DYNC2H1: variants seen among roughly 807,000 people sequenced by gnomAD.
The protein encoded by DYNC2H1 is dynein cytoplasmic 2 heavy chain 1.
A neutral mutation model predicts 570.0 loss-of-function variants in DYNC2H1; 410 were observed. The observed-to-expected ratio is 0.72, with a 90% CI of 0.66 to 0.78. The LOEUF (loss-of-function observed/expected upper bound fraction) is 0.78, where lower values mean the gene tolerates loss of function less well. DYNC2H1 is among the 30% of genes least tolerant of loss of function. DYNC2H1 has a pLI of 0.00. For synonymous variants in DYNC2H1, 1,688 were observed against 1,677.6 expected (o/e 1.01, Z -0.15); for missense variants, 4,865 against 5,046.4 (o/e 0.96, Z 1.09).
intron 26 of DYNC2H1, 37 bp downstream of exon 26, chr11:103,156,807 A>AT (rs748091130): frequency 1.8e-5 from 28 of 1,572,166 alleles, no homozygotes; most frequent in African/African-American, 2.8e-5. Context: ...CACATATGGT[A>AT]TTTTTTTTAA....
intron 71 of DYNC2H1, among the ~76,000 whole-genome samples, chr11:103,281,169 G>C (rs1292675246): frequency 2.0e-5 from 3 of 151,890 alleles, no homozygotes; most frequent in Non-Finnish European, 4.4e-5. Flanking sequence ...GAATATAATA[G>C]TTAAAATAAT....
intron 15 of DYNC2H1, among the ~76,000 whole-genome samples, chr11:103,134,644 T>C (rs897814256): frequency 6.6e-6 from 1 of 152,128 alleles, no homozygotes; most frequent in African/African-American, 2.4e-5. Context: ...TCTTATGGAA[T>C]GCCAAATTCC....
chr11:103,357,391 G>T lies in DYNC2H1; in HGVS notation c.12040-852G>T, dbSNP rs958851401. The stretch of plus-strand genomic sequence containing the variant: ...TTTTCATTAGAGCCTTGTATGTAGA[G>T]GAAACATTGAAATTACAACTTAAAG... On this transcript the variant is annotated intron_variant, in intron 82 of 88. Transcript: ENST00000375735. Among the ~76,000 whole-genome samples, 5 of 152,148 alleles carry T rather than the reference G, an allele frequency of 3.3e-5. No homozygotes were observed. In the South Asian group the frequency reaches 1.0e-3, roughly 32 times the overall value.
intron 17 of DYNC2H1, among the ~76,000 whole-genome samples, chr11:103,136,541 C>A (rs974172320): frequency 5.3e-5 from 8 of 152,232 alleles, no homozygotes; most frequent in Admixed American, 2.0e-4. Context: ...CATGTCCCTA[C>A]AAAAGACATG....
chr11:103,168,570 T>A (rs1861431869), intron 31 of DYNC2H1, among the ~76,000 whole-genome samples, 185 bp from the exon 32 acceptor site: 1 of 152,212 alleles, frequency 6.6e-6, no homozygotes, highest in African/African-American at 2.4e-5. Context: ...CTCAAAATTC[T>A]TATTTTTTAC....
intron 84 of DYNC2H1, chr11:103,404,226 C>T (rs1942768307): frequency 6.6e-6 from 1 of 151,660 alleles, no homozygotes; most frequent in Non-Finnish European, 1.5e-5. Flanking sequence ...AATGATTTTA[C>T]TAGTATCTTA....
At position 103,115,440 on chromosome 11, in the gene DYNC2H1, A is replaced by C. The variant is rs574334723; in HGVS notation, c.621+145A>C. On this transcript the variant is annotated intron_variant, in intron 4 of 88. Coordinates refer to ENST00000375735, the MANE Select transcript of DYNC2H1 (RefSeq NM_001377.3). The stretch of plus-strand genomic sequence containing the variant: ...TTATATGGAGAAAACTTTAAGTTGT[A>C]TATGTAAAATGAATTGAGAAATCCA... The C allele has an allele frequency of 5.8e-5, 30 of 516,398 alleles. 1 individual carries two copies. Among genetic ancestry groups the C allele is most frequent in the Middle Eastern group, 1.1e-3 (2 of 1,854 alleles). 32.0% of individuals were successfully genotyped at this position (516,398 alleles called of 1,614,324 possible).
intron 34 of DYNC2H1, among the ~76,000 whole-genome samples, chr11:103,172,794 G>T (rs1861627388): frequency 6.6e-6 from 1 of 151,938 alleles, no homozygotes; most frequent in African/African-American, 2.4e-5. Context: ...AATAGATAAT[G>T]AAATTAGTAT....
rs116891606 is a variant in DYNC2H1, at chr11:103,172,481, G to A, written c.5335-601G>A. ...TTCTTTCTCTTTTCTTTCCTTTGTA[G>A]CTAGATTTCTTGGTTTTTCTACTCT... On this transcript the variant is annotated intron_variant, in intron 34 of 88. Coordinates refer to ENST00000375735, the MANE Select transcript of DYNC2H1 (RefSeq NM_001377.3). 7.5e-3 allele frequency among the ~76,000 whole-genome samples: 1,139 copies of A among 151,872 alleles called. 5 individuals carry two copies. Among genetic ancestry groups the A allele is most frequent in the Non-Finnish European group, 0.011 (768 of 67,906 alleles).
At chr11:103,420,425 A>T (rs1032089254) in intron 84 of DYNC2H1, among the ~76,000 whole-genome samples, 1 of 152,192 alleles carries the variant, frequency 6.6e-6, no homozygotes, top group Non-Finnish European at 1.5e-5. Flanking sequence ...ACACATAATC[A>T]TCAGATTCTC....
chr11:103,155,615 T>A, intron 25 of DYNC2H1, 114 bp downstream of exon 25: 1 of 1,030,412 alleles, frequency 9.7e-7, no homozygotes, highest in Non-Finnish European at 1.3e-6. Flanking sequence ...TCAGCTTTCA[T>A]CAAAAAGTAA....
intron 82 of DYNC2H1, among the ~76,000 whole-genome samples, chr11:103,327,756 G>C (rs1413368455): frequency 2.0e-5 from 3 of 152,138 alleles, no homozygotes; most frequent in Admixed American, 6.5e-5. Context: ...TTTTGCTCCT[G>C]GGCCATTGAC....
chr11:103,267,887 G>A (rs1337791694), intron 70 of DYNC2H1, among the ~76,000 whole-genome samples: 1 of 151,446 alleles, frequency 6.6e-6, no homozygotes. Flanking sequence ...TTGTAGTAAG[G>A]CCTGAAGATC....
At chr11:103,366,775 A>G (rs1382111838) in intron 83 of DYNC2H1, among the ~76,000 whole-genome samples, 1 of 152,146 alleles carries the variant, frequency 6.6e-6, no homozygotes, top group African/African-American at 2.4e-5. Context: ...ACCTAGCCCA[A>G]TGTTAAGTGT....
intron 84 of DYNC2H1, among the ~76,000 whole-genome samples, chr11:103,433,857 G>A (rs1943976517): frequency 1.3e-5 from 2 of 152,086 alleles, no homozygotes; most frequent in Non-Finnish European, 2.9e-5. Context: ...CAAGTTGCCC[G>A]TTCCCTTTAA....
At chr11:103,321,667 G>C (rs959622735) in intron 81 of DYNC2H1, among the ~76,000 whole-genome samples, 1 of 152,132 alleles carries the variant, frequency 6.6e-6, no homozygotes, top group Admixed American at 6.5e-5. Flanking sequence ...GTCTAAATAT[G>C]TAAAATGAAT....
At chr11:103,351,192 C>G (rs889196182) in intron 82 of DYNC2H1, among the ~76,000 whole-genome samples, 7 of 152,084 alleles carry the variant, frequency 4.6e-5, no homozygotes, top group Non-Finnish European at 1.0e-4. Context: ...AATGTCCTTA[C>G]TCATGTTTGT....
At chr11:103,274,502 A>G (rs1265592071) in intron 70 of DYNC2H1, among the ~76,000 whole-genome samples, 1 of 145,008 alleles carries the variant, frequency 6.9e-6, no homozygotes, top group Non-Finnish European at 1.5e-5. Flanking sequence ...GTATTTCTTT[A>G]CCTTAAACTA....
At chr11:103,362,767 C>G (rs918864381) in intron 83 of DYNC2H1, among the ~76,000 whole-genome samples, 1 of 152,144 alleles carries the variant, frequency 6.6e-6, no homozygotes. Flanking sequence ...CAGTGGCTCA[C>G]GCCTGTAATC....
Sources: allele counts gnomAD v4.1 joint callset (sites outside exome capture counted in the v4.1 genomes callset), GRCh38; gene constraint gnomAD v4.1.1; transcripts MANE v1.5; gene names NCBI Gene and HGNC (gene_info 2026-07-23, HGNC 2026-07-21).